The following SAMD12 variants were observed in gnomAD, a reference collection of about 807,000 sequenced individuals.
SAMD12 encodes the protein sterile alpha motif domain-containing protein 12.
Under a neutral mutation model 15.0 loss-of-function variants are expected in SAMD12, and 9 were observed. The ratio of observed to expected loss-of-function variants is 0.60; its 90% CI spans 0.36 to 1.05. The LOEUF (loss-of-function observed/expected upper bound fraction) is 1.05. Among genes scored for constraint, SAMD12 ranks in the 50% least tolerant of loss-of-function variants. The probability of loss-of-function intolerance (pLI) is 0.01; values close to 1 mark genes in which losing one functional copy is unlikely to be tolerated. For missense variants in SAMD12, 230 were observed against 234.2 expected (o/e 0.98, Z 0.12); for synonymous variants, 86 against 90.1 (o/e 0.96, Z 0.25).
intron 1 of SAMD12, among the ~76,000 whole-genome samples, chr8:118,610,526 T>C (rs1006138338): frequency 6.6e-6 from 1 of 152,110 alleles, no homozygotes; most frequent in African/African-American, 2.4e-5. Context: ...CTCTCGATGA[T>C]TAGGTGGGAG....
the SAMD12 span, among the ~76,000 whole-genome samples, chr8:118,157,404 C>A: frequency 6.6e-6 from 1 of 152,176 alleles, no homozygotes; most frequent in East Asian, 1.9e-4. Flanking sequence ...ATAATGGTTA[C>A]CTCCAGGGAC....
At chr8:118,604,277 G>A (rs938627601) in intron 1 of SAMD12, among the ~76,000 whole-genome samples, 4 of 152,078 alleles carry the variant, frequency 2.6e-5, no homozygotes, top group South Asian at 4.2e-4. Flanking sequence ...AAATGGTAGA[G>A]AATATTTATC....
chr8:118,459,675 C>A (rs995728970), intron 2 of SAMD12, among the ~76,000 whole-genome samples: 27 of 152,032 alleles, frequency 1.8e-4, no homozygotes, highest in African/African-American at 6.3e-4. Context: ...CCTACTAACT[C>A]CTAAGAAATT....
At chr8:118,141,043 T>C in the SAMD12 span, among the ~76,000 whole-genome samples, 5 of 152,246 alleles carry the variant, frequency 3.3e-5, no homozygotes, top group African/African-American at 1.2e-4. Context: ...AACACTGCAT[T>C]ATTCATATAT....
intron 2 of SAMD12, among the ~76,000 whole-genome samples, chr8:118,487,856 T>C (rs1824332137): frequency 6.6e-6 from 1 of 152,192 alleles, no homozygotes; most frequent in Non-Finnish European, 1.5e-5. Flanking sequence ...ATGATGGCTT[T>C]ATAACTTGAA....
At chr8:118,310,117 A>T (rs1032183633) in intron 4 of SAMD12, among the ~76,000 whole-genome samples, 1 of 152,184 alleles carries the variant, frequency 6.6e-6, no homozygotes, top group African/African-American at 2.4e-5. Context: ...TCCTGCTTAG[A>T]ATGTTTTTCT....
intron 4 of SAMD12, among the ~76,000 whole-genome samples, chr8:118,303,366 C>T (rs1341288716): frequency 6.6e-6 from 1 of 152,160 alleles, no homozygotes; most frequent in African/African-American, 2.4e-5. Context: ...AGAACAACAA[C>T]TGTACATTAG....
intron 1 of SAMD12, among the ~76,000 whole-genome samples, chr8:118,583,005 T>C (rs931682980): frequency 6.6e-6 from 1 of 152,164 alleles, no homozygotes. Context: ...AGTTTTCATC[T>C]TGAAGCAGAA....
chr8:118,361,068 C>T (rs1378180656), intron 4 of SAMD12, among the ~76,000 whole-genome samples: 3 of 152,168 alleles, frequency 2.0e-5, no homozygotes, highest in Non-Finnish European at 4.4e-5. Flanking sequence ...CTCACAACTA[C>T]CCCCTGCTCT....
chr8:118,260,908 C>A (rs951681635), intron 4 of SAMD12, among the ~76,000 whole-genome samples: 1 of 152,128 alleles, frequency 6.6e-6, no homozygotes, highest in Non-Finnish European at 1.5e-5. Context: ...CCAGTCTATA[C>A]ATTTGCAATC....
chr8:118,297,865 T>G (rs1000484825), intron 4 of SAMD12, among the ~76,000 whole-genome samples: 4 of 152,310 alleles, frequency 2.6e-5, no homozygotes, highest in Non-Finnish European at 1.5e-5. Flanking sequence ...ATTTTTATCA[T>G]AATACAGAAA....
intron 4 of SAMD12, among the ~76,000 whole-genome samples, chr8:118,367,369 A>G (rs1329616201): frequency 6.6e-6 from 1 of 152,202 alleles, no homozygotes; most frequent in Non-Finnish European, 1.5e-5. Flanking sequence ...ATCCCATAGG[A>G]CATTTGAACA....
chr8:118,304,112 G>A (rs900788240), intron 4 of SAMD12, among the ~76,000 whole-genome samples: 1 of 152,072 alleles, frequency 6.6e-6, no homozygotes, highest in Non-Finnish European at 1.5e-5. Context: ...CTATTCTTTG[G>A]TGAAGCTACC....
chr8:118,220,760 A>G (rs1206929164), intron 4 of SAMD12, among the ~76,000 whole-genome samples: 1 of 152,232 alleles, frequency 6.6e-6, no homozygotes, highest in East Asian at 1.9e-4. Flanking sequence ...TGCTTTACAA[A>G]CATTAAAAAC....
chr8:118,450,256 T>A (rs777943331), intron 2 of SAMD12, among the ~76,000 whole-genome samples: 2 of 152,222 alleles, frequency 1.3e-5, no homozygotes, highest in Non-Finnish European at 2.9e-5. Context: ...TAAGCAGATG[T>A]GCTCAGGCAC....
intron 4 of SAMD12, among the ~76,000 whole-genome samples, chr8:118,224,205 T>C (rs963004478): frequency 1.3e-5 from 2 of 152,186 alleles, no homozygotes; most frequent in African/African-American, 2.4e-5. Context: ...CTGCACTGGT[T>C]GCAGGCTTTG....
chr8:118,162,893 A>C, the SAMD12 span, among the ~76,000 whole-genome samples: 1 of 152,216 alleles, frequency 6.6e-6, no homozygotes, highest in Non-Finnish European at 1.5e-5. Context: ...AAAGTTGTGG[A>C]AAATGAAGAC....
chr8:118,472,115 G>A (rs1460044558), intron 2 of SAMD12, among the ~76,000 whole-genome samples: 1 of 151,854 alleles, frequency 6.6e-6, no homozygotes, highest in African/African-American at 2.4e-5. Context: ...GTGAAACCCT[G>A]TCTCCACTAA....
At chr8:118,272,875 A>G (rs890146548) in intron 4 of SAMD12, among the ~76,000 whole-genome samples, 5 of 152,190 alleles carry the variant, frequency 3.3e-5, no homozygotes, top group Admixed American at 2.0e-4. Flanking sequence ...AAACTTTCCC[A>G]CATCTGCCTG....
Sources: allele counts gnomAD v4.1 joint callset (sites outside exome capture counted in the v4.1 genomes callset), GRCh38; gene constraint gnomAD v4.1.1; transcripts MANE v1.5; gene names NCBI Gene and HGNC (gene_info 2026-07-23, HGNC 2026-07-21).